Variants in LNX1 observed in about 807,000 individuals in gnomAD.
LNX1 encodes the protein ligand of numb-protein X 1.
A neutral mutation model predicts 68.4 loss-of-function variants in LNX1; 54 were observed. The observed-to-expected ratio is 0.79, with a 90% CI of 0.63 to 0.99. The LOEUF is 0.99. Among genes scored for constraint, LNX1 ranks in the 50% least tolerant of loss-of-function variants. The pLI, the probability that LNX1 is intolerant of heterozygous loss-of-function variation, is 0.00. For synonymous variants in LNX1, 336 were observed against 350.0 expected, an observed-to-expected ratio of 0.96 and a Z score of 0.45; for missense variants, 906 against 926.4, an observed-to-expected ratio of 0.98 and a Z score of 0.29.
intron 2 of LNX1, among the ~76,000 whole-genome samples, chr4:53,553,497 A>C (rs905173213): frequency 1.3e-5 from 2 of 152,202 alleles, no homozygotes; most frequent in Non-Finnish European, 2.9e-5. Context: ...CACTGTTCTA[A>C]GGTTTTCATC....
Position 53,460,244 on chromosome 4 carries a change from T to TG in LNX1, c.*662dup, listed in dbSNP as rs569734958. The stretch of plus-strand genomic sequence containing the variant: ...GTTTTTATACAGTTACTAACGATTG[T>TG]GGAAAAAAAGAGCTTTAGCCATTTC... On this transcript the variant is annotated 3_prime_UTR_variant, in exon 11 of 11. Transcript: ENST00000263925. The TG allele has an allele frequency of 5.2e-6, 1 of 193,436 alleles. No individual in the cohort carries two copies. The highest frequency in any genetic ancestry group is 8.1e-5 in the East Asian group (1 of 12,312). The allele number at this position is 193,436 out of a possible 1,614,324, so 12.0% of individuals were successfully genotyped here.
At chr4:53,643,436 C>T (rs1000702913) in intron 1 of LNX1, among the ~76,000 whole-genome samples, 3 of 152,124 alleles carry the variant, frequency 2.0e-5, no homozygotes, top group African/African-American at 4.8e-5. Flanking sequence ...AGGGCTGAGA[C>T]ACCATCCCGG....
intron 1 of LNX1, among the ~76,000 whole-genome samples, chr4:53,636,771 C>G (rs755093359): frequency 2.0e-5 from 3 of 152,060 alleles, no homozygotes; most frequent in Non-Finnish European, 4.4e-5. Context: ...TTAGCTGATT[C>G]CATCCTATGT....
chr4:53,609,806 A>G (rs1733406334), intron 2 of LNX1, among the ~76,000 whole-genome samples: 1 of 146,266 alleles, frequency 6.8e-6, no homozygotes. Flanking sequence ...TAAAATATAA[A>G]TAACATCAAT....
In LNX1 at chr4:53,461,186, T is replaced by A; in HGVS notation, c.2052-144A>T. The A allele has an allele frequency of 2.6e-6, 2 of 758,572 alleles. 1 individual carries two copies. Among genetic ancestry groups the A allele is most frequent in the South Asian group, 4.1e-5 (2 of 48,386 alleles). The allele number at this position is 758,572 out of a possible 1,614,324, so 47.0% of individuals were successfully genotyped here. Reference sequence around the variant, plus strand: ...TCTAATTGAGATATTTCTTGCCTCTTATTTACATTCTCCAAACTCACTATC... The same window carrying A: ...TCTAATTGAGATATTTCTTGCCTCTAATTTACATTCTCCAAACTCACTATC... On this transcript the variant is annotated intron_variant, in intron 10 of 10. Coordinates refer to ENST00000263925, the MANE Select transcript of LNX1 (RefSeq NM_001126328.3).
chr4:53,567,984 T>C (rs1308792944), intron 2 of LNX1, among the ~76,000 whole-genome samples: 3 of 152,110 alleles, frequency 2.0e-5, no homozygotes, highest in South Asian at 2.1e-4. Context: ...TAACAGGATC[T>C]GAAATTGTGG....
chr4:53,649,452 C>G (rs1389292770), intron 1 of LNX1, among the ~76,000 whole-genome samples: 3 of 152,278 alleles, frequency 2.0e-5, no homozygotes, highest in Non-Finnish European at 4.4e-5. Context: ...GTCACAGAAC[C>G]AGGATTTGAA....
At chr4:53,550,302 A>C (rs935719699) in intron 2 of LNX1, among the ~76,000 whole-genome samples, 1 of 152,210 alleles carries the variant, frequency 6.6e-6, no homozygotes, top group African/African-American at 2.4e-5. Context: ...CTTTGCCCCA[A>C]GACTGGATCT....
intron 2 of LNX1, among the ~76,000 whole-genome samples, chr4:53,599,983 T>G (rs11945428): frequency 0.21 from 31,604 of 152,166 alleles, 3,405 homozygotes; most frequent in Admixed American, 0.28. Context: ...CATCTGTAGC[T>G]GTTTAGATGA....
chr4:53,545,300 T>G (rs1251281085), intron 2 of LNX1, among the ~76,000 whole-genome samples: 1 of 152,210 alleles, frequency 6.6e-6, no homozygotes, highest in African/African-American at 2.4e-5. Context: ...CCAGAAAAGT[T>G]GAATCTATAA....
intron 2 of LNX1, chr4:53,539,023 T>C (rs961637262): frequency 6.6e-6 from 1 of 152,228 alleles, no homozygotes; most frequent in African/African-American, 2.4e-5. Flanking sequence ...TAAATCAACT[T>C]GGTCCCCCTG....
chr4:53,509,272 A>G (rs1444047310), intron 2 of LNX1, among the ~76,000 whole-genome samples: 1 of 152,206 alleles, frequency 6.6e-6, no homozygotes, highest in Non-Finnish European at 1.5e-5. Flanking sequence ...CATATAATGG[A>G]TGTGTTAATT....
In LNX1 at chr4:53,569,518, T is replaced by C. The variant is rs1730977017; in HGVS notation, c.380+4105A>G. 1.3e-4 allele frequency among the ~76,000 whole-genome samples: 17 copies of C among 129,086 alleles called. No homozygotes were observed. In the South Asian group the frequency reaches 4.9e-3, roughly 37 times the overall value. 84.7% of individuals were successfully genotyped at this position (129,086 alleles called of 152,430 possible). A position where few individuals can be genotyped will look rare whatever the true frequency, so the allele number is the denominator to read the frequency against. On this transcript the variant is annotated intron_variant, in intron 2 of 10. Coordinates refer to ENST00000263925, the MANE Select transcript of LNX1 (RefSeq NM_001126328.3). Reference sequence around the variant, plus strand: ...ACCTTATACAAAAATCAATTCAAGATGGATTAAAGACTTAAACGTTAGACC... The same window carrying C: ...ACCTTATACAAAAATCAATTCAAGACGGATTAAAGACTTAAACGTTAGACC...
At chr4:53,621,573 A>G (rs1195420022), upstream of LNX1, among the ~76,000 whole-genome samples, 1 of 152,132 alleles carries the variant, frequency 6.6e-6, no homozygotes, top group Non-Finnish European at 1.5e-5. Context: ...GTACCTAAGG[A>G]TTTACAGTCC....
chr4:53,560,257 A>G (rs569988676), intron 2 of LNX1, among the ~76,000 whole-genome samples: 82 of 152,342 alleles, frequency 5.4e-4, no homozygotes, highest in African/African-American at 1.8e-3. Flanking sequence ...TGGACATGTC[A>G]GATTGCTTCT....
At chr4:53,482,144 T>A (rs185107244) in intron 6 of LNX1, among the ~76,000 whole-genome samples, 4 of 152,328 alleles carry the variant, frequency 2.6e-5, no homozygotes, top group African/African-American at 9.6e-5. Context: ...AATTCATTTT[T>A]AATTAATGGT....
intron 2 of LNX1, among the ~76,000 whole-genome samples, chr4:53,552,722 G>A (rs150279335): frequency 0.038 from 5,693 of 151,620 alleles, 373 homozygotes; most frequent in African/African-American, 0.13. Context: ...CCAGCTACTC[G>A]GGAGGCTGAG....
intron 2 of LNX1, among the ~76,000 whole-genome samples, chr4:53,600,194 T>C (rs1732936377): frequency 6.6e-6 from 1 of 152,222 alleles, no homozygotes; most frequent in Non-Finnish European, 1.5e-5. Context: ...TTTTTTATGC[T>C]GTCCAATAGA....
At position 53,557,970 on chromosome 4, in the gene LNX1, C is replaced by T. The variant is rs372913825; in HGVS notation, c.380+15653G>A. 98 of 1,613,542 alleles carry T rather than the reference C, an allele frequency of 6.1e-5. 1 individual carries two copies. In the South Asian group the frequency reaches 8.0e-4, roughly 13 times the overall value. Reference sequence around the variant, plus strand: ...CAGCAACAGAAGCGCCTTCATTCTCCGAGCAGTGTGCTGCCTTCTCCCTGG... The same window carrying T: ...CAGCAACAGAAGCGCCTTCATTCTCTGAGCAGTGTGCTGCCTTCTCCCTGG... On this transcript the variant is annotated intron_variant, in intron 2 of 10. Transcript: ENST00000263925.
Sources: allele counts gnomAD v4.1 joint callset (sites outside exome capture counted in the v4.1 genomes callset), GRCh38; gene constraint gnomAD v4.1.1; transcripts MANE v1.5; gene names NCBI Gene and HGNC (gene_info 2026-07-23, HGNC 2026-07-21).